FOXP2: variants seen among roughly 807,000 people sequenced by gnomAD.
The protein encoded by FOXP2 is forkhead box P2.
FOXP2 carries 12 observed loss-of-function variants against 115.8 expected under a neutral mutation model. The observed-to-expected ratio is 0.10, with a 90% CI of 0.07 to 0.17. The LOEUF is 0.17. Ranked by LOEUF, FOXP2 falls within the 10% of genes least tolerant of loss-of-function variation. FOXP2 has a pLI of 1.00. For missense variants in FOXP2, 629 were observed against 843.5 expected, an observed-to-expected ratio of 0.75 and a Z score of 3.15; for synonymous variants, 328 against 297.7, an observed-to-expected ratio of 1.10 and a Z score of -1.05.
At chr7:114,282,496 T>G (rs1252406966) in intron 1 of FOXP2, among the ~76,000 whole-genome samples, 1 of 152,200 alleles carries the variant, frequency 6.6e-6, no homozygotes, top group African/African-American at 2.4e-5. Flanking sequence ...TAAGGATATC[T>G]CTGTCCTGGT....
intron 2 of FOXP2, among the ~76,000 whole-genome samples, chr7:114,444,103 A>G (rs183845271): frequency 6.6e-6 from 1 of 152,286 alleles, no homozygotes; most frequent in East Asian, 1.9e-4. Context: ...CAATGCTAAA[A>G]CATATGTCAT....
chr7:114,326,656 C>A (rs765669936), intron 2 of FOXP2, among the ~76,000 whole-genome samples: 11 of 152,100 alleles, frequency 7.2e-5, no homozygotes, highest in Non-Finnish European at 1.2e-4. Context: ...TATTGGAATG[C>A]ATTCTTCTGT....
intron 2 of FOXP2, among the ~76,000 whole-genome samples, chr7:114,452,831 T>G (rs1487399748): frequency 6.6e-6 from 1 of 152,100 alleles, no homozygotes; most frequent in Admixed American, 6.6e-5. Context: ...TTTCTGCTTT[T>G]TCATCATTGA....
intron 1 of FOXP2, among the ~76,000 whole-genome samples, chr7:114,177,376 C>T (rs1366946945): frequency 6.6e-6 from 1 of 152,018 alleles, no homozygotes; most frequent in Non-Finnish European, 1.5e-5. Flanking sequence ...AGTTGTTCCA[C>T]ATTTTGTCAA....
intron 3 of FOXP2, among the ~76,000 whole-genome samples, chr7:114,564,447 T>G (rs913650854): frequency 2.0e-5 from 3 of 151,924 alleles, no homozygotes; most frequent in Non-Finnish European, 4.4e-5. Context: ...AAAAGTATTC[T>G]TATTTTTATT....
At chr7:114,483,679 G>A (rs1446369902) in intron 2 of FOXP2, among the ~76,000 whole-genome samples, 1 of 151,486 alleles carries the variant, frequency 6.6e-6, no homozygotes, top group African/African-American at 2.4e-5. Context: ...GGTTAATATT[G>A]GTATCTTTCC....
At chr7:114,483,142 C>T (rs976797772) in intron 2 of FOXP2, among the ~76,000 whole-genome samples, 1 of 151,188 alleles carries the variant, frequency 6.6e-6, no homozygotes, top group African/African-American at 2.4e-5. Context: ...CAGTGAGGTT[C>T]GTTGAAGTCA....
chr7:114,499,666 A>T (rs1264610359), intron 2 of FOXP2: 1 of 152,140 alleles, frequency 6.6e-6, no homozygotes, highest in Non-Finnish European at 1.5e-5. Flanking sequence ...TAATGATGTG[A>T]CTGTCCTGAT....
chr7:114,432,806 G>A (rs1794173160), intron 2 of FOXP2, among the ~76,000 whole-genome samples: 2 of 151,934 alleles, frequency 1.3e-5, no homozygotes, highest in African/African-American at 4.8e-5. Context: ...ACCACATGAT[G>A]ACACTAAAGA....
intron 1 of FOXP2, among the ~76,000 whole-genome samples, chr7:114,272,943 T>C (rs1013860161): frequency 5.3e-5 from 8 of 151,926 alleles, no homozygotes; most frequent in Non-Finnish European, 1.2e-4. Context: ...TTCATTAAGT[T>C]ATTTCTTAAT....
chr7:114,283,915 A>G (rs915118520), intron 1 of FOXP2, among the ~76,000 whole-genome samples: 1 of 152,146 alleles, frequency 6.6e-6, no homozygotes, highest in Non-Finnish European at 1.5e-5. Context: ...ATGAGCTACA[A>G]TCGCACCACT....
intron 2 of FOXP2, among the ~76,000 whole-genome samples, chr7:114,385,435 A>G (rs1490433202): frequency 6.6e-6 from 1 of 152,198 alleles, no homozygotes; most frequent in African/African-American, 2.4e-5. Flanking sequence ...TGCTGAGTAG[A>G]GAATTCTGGC....
chr7:114,677,928 T>A (rs979040464), intron 16 of FOXP2, among the ~76,000 whole-genome samples: 2 of 152,196 alleles, frequency 1.3e-5, no homozygotes, highest in African/African-American at 2.4e-5. Context: ...CTAGAAACTG[T>A]GGCAGATGAT....
intron 1 of FOXP2, among the ~76,000 whole-genome samples, chr7:114,279,842 A>G (rs1796282612): frequency 6.6e-6 from 1 of 152,106 alleles, no homozygotes; most frequent in African/African-American, 2.4e-5. Flanking sequence ...AAAGAAAGGA[A>G]GGAAGATCAG....
At chr7:114,444,507 C>G (rs1464020136) in intron 2 of FOXP2, among the ~76,000 whole-genome samples, 1 of 152,110 alleles carries the variant, frequency 6.6e-6, no homozygotes. Context: ...ATACTTCGTC[C>G]TCAAGATTGG....
At chr7:114,161,494 T>A (rs1333932451), upstream of FOXP2, among the ~76,000 whole-genome samples, 1 of 151,808 alleles carries the variant, frequency 6.6e-6, no homozygotes, top group Non-Finnish European at 1.5e-5. Flanking sequence ...GCTATTCTGA[T>A]ATAGATGTTT....
chr7:114,125,593 A>G (rs190021532), intron 1 of FOXP2, among the ~76,000 whole-genome samples: 41 of 152,266 alleles, frequency 2.7e-4, no homozygotes, highest in Middle Eastern at 3.4e-3. Flanking sequence ...AAATCCCCTC[A>G]GAAGACTAAT....
intron 2 of FOXP2, among the ~76,000 whole-genome samples, chr7:114,398,308 T>G (rs1014362870): frequency 6.6e-6 from 1 of 152,050 alleles, no homozygotes; most frequent in African/African-American, 2.4e-5. Flanking sequence ...AATCTTATAT[T>G]GGAAAAAATA....
intron 16 of FOXP2, among the ~76,000 whole-genome samples, chr7:114,676,075 ATTTTTTT>A (rs11327459): frequency 1.7e-4 from 15 of 89,560 alleles, no homozygotes; most frequent in African/African-American, 4.9e-4. Flanking sequence ...AGGCCCGGCT[ATTTTTTT>A]TTTTTTTTTT....
Sources: allele counts gnomAD v4.1 joint callset (sites outside exome capture counted in the v4.1 genomes callset), GRCh38; gene constraint gnomAD v4.1.1; transcripts MANE v1.5; gene names NCBI Gene and HGNC (gene_info 2026-07-23, HGNC 2026-07-21).